RANBP3: variants seen among roughly 807,000 people sequenced by gnomAD.
RANBP3 encodes the protein RAN binding protein 3.
A neutral mutation model predicts 77.3 loss-of-function variants in RANBP3; 14 were observed. The ratio of observed to expected loss-of-function variants is 0.18; its 90% CI spans 0.12 to 0.28. The LOEUF is 0.28. RANBP3 is among the 10% of genes least tolerant of loss of function. The probability of loss-of-function intolerance (pLI) is 1.00; values close to 1 mark genes in which losing one functional copy is unlikely to be tolerated. For missense variants in RANBP3, 586 were observed against 752.3 expected (o/e 0.78, Z 2.59); for synonymous variants, 315 against 312.4 (o/e 1.01, Z -0.09).
intron 3 of RANBP3, among the ~76,000 whole-genome samples, chr19:5,943,151 G>A (rs1044940182): frequency 6.6e-6 from 1 of 152,182 alleles, no homozygotes; most frequent in Non-Finnish European, 1.5e-5. Context: ...GCTCCTCCTG[G>A]CGCGCTCCCT....
intron 5 of RANBP3, among the ~76,000 whole-genome samples, chr19:5,937,580 A>C (rs2058083053): frequency 6.6e-6 from 1 of 152,240 alleles, no homozygotes; most frequent in African/African-American, 2.4e-5. Flanking sequence ...TTCAGACAAA[A>C]GGGACAGAGA....
chr19:5,969,765 C>G (rs997467865), intron 1 of RANBP3, among the ~76,000 whole-genome samples: 1 of 152,268 alleles, frequency 6.6e-6, no homozygotes, highest in African/African-American at 2.4e-5. Context: ...TCAGGCATCC[C>G]TGAAGGTTCT....
In RANBP3 at chr19:5,928,004, G is replaced by T; in HGVS notation, c.777C>A (p.Ala259=). The T allele has an allele frequency of 6.2e-7, 1 of 1,613,750 alleles. No homozygotes were observed. The highest frequency in any genetic ancestry group is 8.5e-7 in the Non-Finnish European group (1 of 1,179,818). ...CCCTCAAGTTCTGCCCAAATACAAAGGCTTGCTGTGTGGCGGGGTCTTTTT... is the reference window on the plus strand; with the variant it reads ...CCCTCAAGTTCTGCCCAAATACAAATGCTTGCTGTGTGGCGGGGTCTTTTT... The part of the protein sequence containing the change: ...CEKKDPATQQ[A]FVFGQNLRDR... Residue 259 remains alanine (A), a synonymous_variant, in exon 9 of 17, where the codon GCC becomes GCA. Coordinates refer to ENST00000340578, the MANE Select transcript of RANBP3 (RefSeq NM_007322.3).
intron 1 of RANBP3, among the ~76,000 whole-genome samples, chr19:5,962,350 C>A (rs938671670): frequency 6.6e-6 from 1 of 152,166 alleles, no homozygotes; most frequent in Non-Finnish European, 1.5e-5. Context: ...CACTGTGGAG[C>A]CCTGGCACTC....
At position 5,958,855 on chromosome 19, in the gene RANBP3, C is replaced by A. The variant is rs2058366624; in HGVS notation, c.23-882G>T. On this transcript the variant is annotated intron_variant, in intron 1 of 16. Transcript: ENST00000340578. The surrounding 1 kb of genome is among the most constrained non-coding windows in gnomAD (Gnocchi z 4.4). Reference sequence around the variant, plus strand: ...GGGCACTGAGGGCCTAGCGTGGAGGCCAAGCAAGAGCAGCTGTGACTCTGG... The same window carrying A: ...GGGCACTGAGGGCCTAGCGTGGAGGACAAGCAAGAGCAGCTGTGACTCTGG... Among the ~76,000 whole-genome samples, 1 of 152,272 alleles carries A rather than the reference C, an allele frequency of 6.6e-6. No individual in the cohort carries two copies. The highest frequency in any genetic ancestry group is 6.5e-5 in the Admixed American group (1 of 15,290).
intron 2 of RANBP3, among the ~76,000 whole-genome samples, chr19:5,954,693 G>A (rs1034320311): frequency 3.3e-5 from 5 of 152,166 alleles, no homozygotes; most frequent in Admixed American, 6.5e-5. Flanking sequence ...GTCCCAGCTC[G>A]GCTTCTGGAG....
intron 15 of RANBP3, 83 bp downstream of exon 15, chr19:5,918,413 G>A (rs1487781311): frequency 5.7e-5 from 47 of 817,888 alleles, no homozygotes; most frequent in Non-Finnish European, 6.8e-5. Context: ...CCTCCCCACC[G>A]TCCTGCCTGA....
chr19:5,929,654 C>T (rs1445514006), intron 8 of RANBP3, among the ~76,000 whole-genome samples: 2 of 152,232 alleles, frequency 1.3e-5, no homozygotes, highest in Non-Finnish European at 2.9e-5. Flanking sequence ...CATGGGTCGC[C>T]CCCAACATCT....
chr19:5,917,294 G>T lies in RANBP3; in HGVS notation c.*316C>A, dbSNP rs1280563777. 1 of 429,206 alleles carries T rather than the reference G, an allele frequency of 2.3e-6. No homozygotes were observed. The highest frequency in any genetic ancestry group is 4.6e-5 in the East Asian group (1 of 21,658). 26.6% of individuals were successfully genotyped at this position (429,206 alleles called of 1,614,324 possible). A position where few individuals can be genotyped will look rare whatever the true frequency, so the allele number is the denominator to read the frequency against. On this transcript the variant is annotated 3_prime_UTR_variant, in exon 17 of 17. Transcript: ENST00000340578. Reference sequence around the variant, plus strand: ...GACCCAGAGGCTGGCGACACGCGGGGTGAAGGAACGAGGTCTCCAGTCCCA... The same window carrying T: ...GACCCAGAGGCTGGCGACACGCGGGTTGAAGGAACGAGGTCTCCAGTCCCA...
In RANBP3 at chr19:5,923,893, C is replaced by T. The variant is rs746171051; in HGVS notation, c.1018G>A (p.Val340Ile). The change falls in exon 12 of 17, where the codon GTC (valine) becomes ATC (isoleucine). Residue 340 changes from valine to isoleucine, a missense_variant. Transcript: ENST00000340578. Reference sequence around the variant, plus strand: ...TTTTCCCTGTTGGCATCTGAACTGACCTCGTTTAATTTTGGGGGGCTCTGC... The same window carrying T: ...TTTTCCCTGTTGGCATCTGAACTGATCTCGTTTAATTTTGGGGGGCTCTGC... The part of the protein sequence containing the change: ...RVLSPPKLNE[V>I]SSDANRENAA... The T allele has an allele frequency of 8.7e-6, 14 of 1,614,142 alleles. No homozygotes were observed. Among genetic ancestry groups the T allele is most frequent in the Middle Eastern group, 1.6e-4 (1 of 6,062 alleles).
intron 14 of RANBP3, among the ~76,000 whole-genome samples, chr19:5,920,634 G>A (rs764050688): frequency 4.7e-4 from 71 of 152,172 alleles, no homozygotes; most frequent in Middle Eastern, 3.4e-3. Context: ...TGCAATCTCC[G>A]TCTCCCAAGT....
At chr19:5,929,179 C>A (rs2057953952) in intron 8 of RANBP3, among the ~76,000 whole-genome samples, 1 of 152,212 alleles carries the variant, frequency 6.6e-6, no homozygotes, top group African/African-American at 2.4e-5. Context: ...AAATGTTTCT[C>A]TACTGTGCTC....
chr19:5,955,700 C>T lies in RANBP3; in HGVS notation c.78+2218G>A, dbSNP rs539983415. Among the ~76,000 whole-genome samples the T allele has an allele frequency of 3.9e-5, 6 of 152,282 alleles. No homozygotes were observed. The South Asian group carries it at 1.2e-3, about 32-fold the overall frequency. ...TTGTTTGTTTTAAACCAGGGGTTGG[C>T]AAACTGTTTTCTGCAAAGGGTCAGA... On this transcript the variant is annotated intron_variant, in intron 2 of 16. Coordinates refer to ENST00000340578, the MANE Select transcript of RANBP3 (RefSeq NM_007322.3).
At chr19:5,964,047 C>T (rs1238645340) in intron 1 of RANBP3, among the ~76,000 whole-genome samples, 1 of 152,202 alleles carries the variant, frequency 6.6e-6, no homozygotes, top group Non-Finnish European at 1.5e-5. Context: ...AAGGAGTGAG[C>T]CCCTGCTGGC....
intron 2 of RANBP3, among the ~76,000 whole-genome samples, chr19:5,953,125 A>G (rs1375388542): frequency 6.6e-6 from 1 of 152,230 alleles, no homozygotes; most frequent in East Asian, 1.9e-4. Flanking sequence ...AAGACATCAA[A>G]ACAGGATCAA....
intron 8 of RANBP3, 53 bp from the exon 9 acceptor site, chr19:5,928,140 C>T (rs1226461633): frequency 6.4e-6 from 10 of 1,574,434 alleles, no homozygotes; most frequent in Non-Finnish European, 8.6e-6. Flanking sequence ...CACACTTGGC[C>T]CAGACGGATG....
chr19:5,970,860 C>G (rs564399446), intron 1 of RANBP3, among the ~76,000 whole-genome samples: 1 of 152,224 alleles, frequency 6.6e-6, no homozygotes, highest in Non-Finnish European at 1.5e-5. Context: ...GGTCAGACAA[C>G]TTGCCCATGT....
At chr19:5,918,003 G>A (rs1428745063) in intron 15 of RANBP3, 23 bp from the exon 16 acceptor site, 9 of 1,559,098 alleles carry the variant, frequency 5.8e-6, no homozygotes, top group Non-Finnish European at 7.8e-6. Flanking sequence ...GAGGGTATGA[G>A]ACCCCCGGAC....
At chr19:5,918,686 CACAA>C (rs1568443267) in intron 14 of RANBP3, 48 bp from the exon 15 acceptor site, 8 of 1,595,230 alleles carry the variant, frequency 5.0e-6, no homozygotes, top group Admixed American at 1.7e-5. Flanking sequence ...CCGGCCCCCT[CACAA>C]ACAGCCAGCT....
Sources: allele counts gnomAD v4.1 joint callset (sites outside exome capture counted in the v4.1 genomes callset), GRCh38; gene constraint gnomAD v4.1.1; non-coding constraint Gnocchi (gnomAD v3.1); transcripts MANE v1.5; gene names NCBI Gene and HGNC (gene_info 2026-07-23, HGNC 2026-07-21).